Variants in COL3A1 observed in about 807,000 individuals in gnomAD.
The protein encoded by COL3A1 is collagen alpha-1(III) chain.
In COL3A1, 46 loss-of-function variants were observed where a neutral mutation model predicts 200.9. That is an observed-to-expected ratio of 0.23 (90% confidence interval 0.18 to 0.29). COL3A1 has a LOEUF of 0.29. Among genes scored for constraint, COL3A1 ranks in the 10% least tolerant of loss-of-function variants. The pLI, the probability that COL3A1 is intolerant of heterozygous loss-of-function variation, is 1.00. For synonymous variants in COL3A1, 650 were observed against 628.0 expected, an observed-to-expected ratio of 1.03 and a Z score of -0.52; for missense variants, 1,367 against 1,917.6, an observed-to-expected ratio of 0.71 and a Z score of 5.36.
At chr2:188,995,661 T>G (rs1394005805) in intron 21 of COL3A1, 31 bp from the exon 22 acceptor site, 1 of 1,482,680 alleles carries the variant, frequency 6.7e-7, no homozygotes, top group Admixed American at 2.0e-5. Context: ...AAGGCTATTT[T>G]AATTTTTTTA....
chr2:188,993,373 C>T lies in COL3A1; in HGVS notation c.1063C>T (p.Pro355Ser). Residue 355 changes from proline (P) to serine (S), a missense_variant, in exon 16 of 51, where the codon CCT (proline) becomes TCT (serine). By Grantham distance (74) the Pro-to-Ser change is moderately conservative. Coordinates refer to ENST00000304636, the MANE Select transcript of COL3A1 (RefSeq NM_000090.4). ...GTTTTACCATTAGGGTGAAGTTGGA[C>T]CTGCAGGGTCTCCTGGTTCAAATGG... Reference protein sequence around the residue: ...GSPGAKGEVGPAGSPGSNGAP... With the variant: ...GSPGAKGEVGSAGSPGSNGAP... The T allele has an allele frequency of 1.9e-6, 3 of 1,569,742 alleles. No individual in the cohort carries two copies. Among genetic ancestry groups the T allele is most frequent in the East Asian group, 4.7e-5 (2 of 42,502 alleles).
intron 1 of COL3A1, among the ~76,000 whole-genome samples, chr2:188,976,046 CCTT>C (rs1348052630): frequency 2.6e-5 from 4 of 151,882 alleles, no homozygotes; most frequent in Non-Finnish European, 4.4e-5. Flanking sequence ...AACTCTCAAT[CCTT>C]CTTCCTTTCT....
At chr2:189,007,194 G>C (rs1435162839) in intron 44 of COL3A1, among the ~76,000 whole-genome samples, 1 of 135,914 alleles carries the variant, frequency 7.4e-6, no homozygotes. Context: ...TAGATAGATA[G>C]ATAGATAGAT....
rs865829661 is a variant in COL3A1, at chr2:189,005,453, G to A, written c.3035G>A (p.Arg1012Lys). The change falls in exon 41 of 51, where the codon AGA (arginine) becomes AAA (lysine). Residue 1012 changes from arginine to lysine, a missense_variant. By Grantham distance (26) the Arg-to-Lys change is conservative (BLOSUM62 2). Coordinates refer to ENST00000304636, the MANE Select transcript of COL3A1 (RefSeq NM_000090.4). ...GCTGGTACAGCTGGTGAACCTGGAA[G>A]AGATGTGAGTAGCAGTTTTTATTCA... is the stretch of plus-strand genomic sequence containing the variant. The part of the protein sequence containing the change: ...GLAGTAGEPG[R>K]DGNPGSDGLP... 2.5e-6 allele frequency: 4 copies of A among 1,613,398 alleles called. No homozygotes were observed. Among genetic ancestry groups the A allele is most frequent in the Non-Finnish European group, 2.5e-6 (3 of 1,179,346 alleles).
chr2:189,002,342 T>C lies in COL3A1; in HGVS notation c.2436T>C (p.Pro812=), dbSNP rs1214826179. 19 of 1,613,750 alleles carry C rather than the reference T, an allele frequency of 1.2e-5. No individual in the cohort carries two copies. The highest frequency in any genetic ancestry group is 1.6e-5 in the Non-Finnish European group (19 of 1,179,766). ...ETGPPGPAGF[P]GAPGQNGEPG... ...GCCCTCCAGGACCTGCTGGTTTCCC[T>C]GGTGCTCCTGTAAGTGTGAATATTT... Residue 812 remains proline (P), a synonymous_variant, in exon 35 of 51, where the codon CCT becomes CCC. Transcript: ENST00000304636.
At position 189,002,336 on chromosome 2, in the gene COL3A1, T is replaced by C; in HGVS notation, c.2430T>C (p.Gly810=). 1 of 1,613,968 alleles carries C rather than the reference T, an allele frequency of 6.2e-7. No individual in the cohort carries two copies. Among genetic ancestry groups the C allele is most frequent in the Non-Finnish European group, 8.5e-7 (1 of 1,179,850 alleles). Residue 810 remains glycine (G), a synonymous_variant, in exon 35 of 51, where the codon GGT becomes GGC. Transcript: ENST00000304636. ...AAACTGGCCCTCCAGGACCTGCTGG[T>C]TTCCCTGGTGCTCCTGTAAGTGTGA... ...RGETGPPGPA[G]FPGAPGQNGE...
Position 189,008,973 on chromosome 2 carries a change from C to A in COL3A1, c.3575C>A (p.Ala1192Asp). The change falls in exon 48 of 51, where the codon GCC (alanine) becomes GAC (aspartate). Residue 1192 changes from alanine to aspartate, a missense_variant. Physicochemically the swap from Ala to Asp is moderately radical, Grantham distance 126 (BLOSUM62 -2). Coordinates refer to ENST00000304636, the MANE Select transcript of COL3A1 (RefSeq NM_000090.4). ...GQPGPPGPPGAPGPCCGGVGA... is the reference protein window; with the variant it reads ...GQPGPPGPPGDPGPCCGGVGA... ...CCAGGCCCTCCTGGACCTCCTGGTGCCCCTGGTCCTTGCTGTGGTGGTGTT... is the reference window on the plus strand; with the variant it reads ...CCAGGCCCTCCTGGACCTCCTGGTGACCCTGGTCCTTGCTGTGGTGGTGTT... 1.2e-6 allele frequency: 2 copies of A among 1,614,184 alleles called. No homozygotes were observed. Among genetic ancestry groups the A allele is most frequent in the Admixed American group, 3.3e-5 (2 of 60,022 alleles).
rs869312034 is a variant in COL3A1, at chr2:189,006,260, G to T, written c.3093+1G>T. The T allele has an allele frequency of 1.9e-6, 3 of 1,614,152 alleles. No individual in the cohort carries two copies. Among genetic ancestry groups the T allele is most frequent in the Non-Finnish European group, 2.5e-6 (3 of 1,180,004 alleles). ...CCGAGATGGATCTCCTGGTGGCAAG[G>T]TATAATAAACACATGTGCAATTGAT... On this transcript the variant is annotated splice_donor_variant, in intron 42 of 50. Transcript: ENST00000304636. LOFTEE classifies it high-confidence loss of function.
Position 188,991,489 on chromosome 2 carries a change from T to G in COL3A1, c.855T>G (p.Gly285=). Residue 285 remains glycine (G), a splice_region_variant and synonymous_variant, in exon 12 of 51, where the codon GGT becomes GGG. Coordinates refer to ENST00000304636, the MANE Select transcript of COL3A1 (RefSeq NM_000090.4). ...KGETGAPGLK[G]ENGLPGENGA... is the part of the protein sequence containing the mutation. ...TAACATATTTTATATGTATCTAGGG[T>G]GAAAATGGTCTTCCAGGCGAAAATG... The G allele has an allele frequency of 6.2e-7, 1 of 1,602,562 alleles. No homozygotes were observed. The highest frequency in any genetic ancestry group is 8.5e-7 in the Non-Finnish European group (1 of 1,170,250).
chr2:188,989,576 C>A, intron 8 of COL3A1, 127 bp downstream of exon 8: 1 of 734,664 alleles, frequency 1.4e-6, no homozygotes, highest in Middle Eastern at 3.9e-4. Context: ...GTCTTAACAA[C>A]ATTTTAGTTA....
chr2:189,012,071 T>TCTG lies in COL3A1; in HGVS notation c.*297_*298insCTG. The stretch of plus-strand genomic sequence containing the variant: ...TTTATGATAACAACACTGTGTTATA[T>TCTG]TCTTTGAATCCTAGCCCATCTGCAG... On this transcript the variant is annotated 3_prime_UTR_variant, in exon 51 of 51. Transcript: ENST00000304636. 2 of 383,438 alleles carry TCTG rather than the reference T, an allele frequency of 5.2e-6. No homozygotes were observed. Among genetic ancestry groups the TCTG allele is most frequent in the South Asian group, 2.5e-5 (1 of 39,842 alleles). The allele number at this position is 383,438 out of a possible 1,614,324, so 23.8% of individuals were successfully genotyped here.
At chr2:188,988,534 A>G (rs1230886787) in intron 6 of COL3A1, 56 bp from the exon 7 acceptor site, 1 of 1,216,594 alleles carries the variant, frequency 8.2e-7, no homozygotes, top group Non-Finnish European at 1.2e-6. Flanking sequence ...CAAGATGTAA[A>G]TGAATTATAT....
chr2:188,998,475 A>T (rs1346374898), intron 28 of COL3A1, among the ~76,000 whole-genome samples, 156 bp downstream of exon 28: 1 of 152,254 alleles, frequency 6.6e-6, no homozygotes, highest in African/African-American at 2.4e-5. Context: ...TATTTAAAAG[A>T]TAACTATTAT....
Position 188,997,766 on chromosome 2 carries a change from T to G in COL3A1, c.1923+13T>G, listed in dbSNP as rs1297328714. ...ACAAGGATTACAAGTAAGAACTTGT[T>G]ATTTAAATGTCACGGCATATCTGAC... On this transcript the variant is annotated intron_variant, in intron 27 of 50. Coordinates refer to ENST00000304636, the MANE Select transcript of COL3A1 (RefSeq NM_000090.4). 6.2e-7 allele frequency: 1 copy of G among 1,612,164 alleles called. No individual in the cohort carries two copies. Among genetic ancestry groups the G allele is most frequent in the Admixed American group, 1.7e-5 (1 of 59,996 alleles).
Position 189,004,122 on chromosome 2 carries a change from G to T in COL3A1, c.2802G>T (p.Ser934=). 2 of 1,613,930 alleles carry T rather than the reference G, an allele frequency of 1.2e-6. No individual in the cohort carries two copies. The highest frequency in any genetic ancestry group is 1.7e-5 in the Admixed American group (1 of 60,008). Residue 934 remains serine (S), a synonymous_variant, in exon 39 of 51, where the codon TCG becomes TCT. Transcript: ENST00000304636. ...GDAGQPGEKG[S]PGAQGPPGAP... ...CTGGCCAACCAGGAGAGAAGGGATC[G>T]CCTGGTGCCCAGGGCCCACCAGTAA...
chr2:188,999,176 T>A (rs1244715138), intron 29 of COL3A1, 109 bp from the exon 30 acceptor site: 2 of 1,037,138 alleles, frequency 1.9e-6, no homozygotes, highest in African/African-American at 3.2e-5. Flanking sequence ...ATTTCTAGAT[T>A]GTTCACAATA....
At chr2:188,979,486 A>G (rs970099568) in intron 1 of COL3A1, among the ~76,000 whole-genome samples, 17 of 151,902 alleles carry the variant, frequency 1.1e-4, no homozygotes, top group African/African-American at 4.1e-4. Flanking sequence ...ACTTTTTTGT[A>G]TATAGCAAAA....
chr2:189,001,344 CA>C, intron 32 of COL3A1, 52 bp from the exon 33 acceptor site: 11 of 1,551,316 alleles, frequency 7.1e-6, no homozygotes, highest in Non-Finnish European at 8.9e-6. Flanking sequence ...TTGATTAATG[CA>C]AAAAACGATA....
At chr2:188,990,020 G>T (rs41272817) in intron 8 of COL3A1, 76 bp from the exon 9 acceptor site, 7 of 1,348,830 alleles carry the variant, frequency 5.2e-6, no homozygotes, top group Non-Finnish European at 7.5e-6. Flanking sequence ...AAAATGCAAA[G>T]TAACCATTTT....
Sources: allele counts gnomAD v4.1 joint callset (sites outside exome capture counted in the v4.1 genomes callset), GRCh38; gene constraint gnomAD v4.1.1; transcripts MANE v1.5; gene names NCBI Gene and HGNC (gene_info 2026-07-23, HGNC 2026-07-21).